Variants in WDR7 observed in about 807,000 individuals in gnomAD.
WDR7 encodes the protein WD repeat domain 7, also known as WD repeat-containing protein 7.
WDR7 carries 46 observed loss-of-function variants against 169.4 expected under a neutral mutation model. The ratio of observed to expected loss-of-function variants is 0.27; its 90% CI spans 0.21 to 0.35. WDR7 has a LOEUF of 0.35. Among genes scored for constraint, WDR7 ranks in the 10% least tolerant of loss-of-function variants. The pLI is 1.00. For synonymous variants in WDR7, 612 were observed against 666.8 expected (o/e 0.92, Z 1.27); for missense variants, 1,534 against 1,859.3 (o/e 0.83, Z 3.22).
intron 20 of WDR7, among the ~76,000 whole-genome samples, chr18:56,838,885 G>A (rs190707013): frequency 1.3e-5 from 2 of 152,166 alleles, no homozygotes; most frequent in East Asian, 1.9e-4. Flanking sequence ...AAATAGACAA[G>A]CTAGAAATAT....
At chr18:56,662,591 T>G (rs1274058415) in intron 1 of WDR7, among the ~76,000 whole-genome samples, 1 of 152,218 alleles carries the variant, frequency 6.6e-6, no homozygotes, top group Non-Finnish European at 1.5e-5. Context: ...GTGTGAAGTG[T>G]ACATCAACAT....
At chr18:56,911,114 A>G (rs2046546254) in intron 21 of WDR7, among the ~76,000 whole-genome samples, 1 of 152,114 alleles carries the variant, frequency 6.6e-6, no homozygotes, top group East Asian at 1.9e-4. Flanking sequence ...TGCTGTGGTC[A>G]GGCTGGGAAC....
intron 21 of WDR7, among the ~76,000 whole-genome samples, chr18:56,913,113 A>T (rs992918899): frequency 1.3e-5 from 2 of 151,890 alleles, no homozygotes; most frequent in Admixed American, 1.3e-4. Flanking sequence ...AGCTCAAACG[A>T]TCCTCTCACC....
At chr18:56,749,689 T>A (rs1397706639) in intron 14 of WDR7, among the ~76,000 whole-genome samples, 1 of 151,938 alleles carries the variant, frequency 6.6e-6, no homozygotes, top group African/African-American at 2.4e-5. Context: ...ACTGTAATAT[T>A]AAAAAATGAT....
intron 16 of WDR7, 144 bp downstream of exon 16, chr18:56,759,097 A>T (rs2043944072): frequency 1.8e-6 from 1 of 545,672 alleles, no homozygotes; most frequent in Non-Finnish European, 3.1e-6. Context: ...GTAAATATGG[A>T]TAATTAAGAT....
chr18:56,820,410 A>G (rs192463933), intron 20 of WDR7, among the ~76,000 whole-genome samples: 76 of 149,276 alleles, frequency 5.1e-4, no homozygotes, highest in Admixed American at 1.6e-3. Context: ...ATTCAACTAC[A>G]AAAGCAGCAA....
chr18:56,721,417 G>A (rs2026317429), intron 13 of WDR7: 1 of 152,094 alleles, frequency 6.6e-6, no homozygotes, highest in South Asian at 2.1e-4. Context: ...AGAATCTTTT[G>A]TTCTTTTATT....
intron 1 of WDR7, among the ~76,000 whole-genome samples, chr18:56,658,927 A>C (rs921788583): frequency 1.3e-5 from 2 of 151,960 alleles, no homozygotes; most frequent in African/African-American, 4.8e-5. Context: ...CATGTTGGCC[A>C]GGCTGGTCTT....
At chr18:56,764,063 ATTT>A (rs59282216) in intron 16 of WDR7, among the ~76,000 whole-genome samples, 13,117 of 151,374 alleles carry the variant, frequency 0.087, 654 homozygotes, top group East Asian at 0.18. Flanking sequence ...TTTGATTATT[ATTT>A]ATTTTTTCTA....
chr18:57,007,054 A>T (rs1285623507), intron 26 of WDR7, among the ~76,000 whole-genome samples: 3 of 148,278 alleles, frequency 2.0e-5, no homozygotes. Context: ...ATCTCAGCTC[A>T]CTGCAAGCTC....
chr18:56,842,698 C>T (rs368633316), intron 20 of WDR7, among the ~76,000 whole-genome samples: 1 of 151,362 alleles, frequency 6.6e-6, no homozygotes, highest in Non-Finnish European at 1.5e-5. Flanking sequence ...TTCTCTCTTA[C>T]ACACACACAC....
intron 12 of WDR7, among the ~76,000 whole-genome samples, chr18:56,710,064 C>T (rs545772612): frequency 1.4e-5 from 2 of 141,410 alleles, no homozygotes; most frequent in Admixed American, 1.5e-4. Context: ...AGTGCAGTGG[C>T]GCAATCTCGT....
chr18:56,920,271 C>T (rs984907865), intron 21 of WDR7, among the ~76,000 whole-genome samples: 1 of 152,126 alleles, frequency 6.6e-6, no homozygotes, highest in Non-Finnish European at 1.5e-5. Context: ...TCACCTTCCC[C>T]TGGAAGCCTT....
At chr18:56,733,979 A>G (rs2026641745) in intron 14 of WDR7, among the ~76,000 whole-genome samples, 1 of 152,082 alleles carries the variant, frequency 6.6e-6, no homozygotes, top group African/African-American at 2.4e-5. Flanking sequence ...AAGTGCAGAG[A>G]GCCTTTTCTT....
chr18:56,787,496 A>G (rs1398083524), intron 19 of WDR7, among the ~76,000 whole-genome samples: 3 of 152,224 alleles, frequency 2.0e-5, no homozygotes, highest in Non-Finnish European at 4.4e-5. Context: ...GATGTGTAAC[A>G]CATCGTGTTT....
In WDR7 at chr18:56,804,677, G is replaced by T. The variant is rs573203751; in HGVS notation, c.3191-11354G>T. On this transcript the variant is annotated intron_variant, in intron 19 of 27. Transcript: ENST00000254442. ...GTACTCAGCTTTATAACAGTGGTCC[G>T]CTGAGATACTGTGTTAGACAATCTA... Among the ~76,000 whole-genome samples, 6 of 152,160 alleles carry T rather than the reference G, an allele frequency of 3.9e-5. No individual in the cohort carries two copies. In the East Asian group the frequency reaches 1.2e-3, roughly 29 times the overall value.
At chr18:56,714,959 T>C (rs772844989) in intron 12 of WDR7, among the ~76,000 whole-genome samples, 2 of 152,156 alleles carry the variant, frequency 1.3e-5, no homozygotes, top group Non-Finnish European at 2.9e-5. Flanking sequence ...TTAATATTCA[T>C]TTTGTATGTC....
intron 20 of WDR7, among the ~76,000 whole-genome samples, chr18:56,848,804 A>G (rs895172442): frequency 5.3e-5 from 8 of 152,086 alleles, no homozygotes; most frequent in Admixed American, 1.3e-4. Flanking sequence ...TGCCATGAGT[A>G]AAAGCTCCCT....
intron 20 of WDR7, among the ~76,000 whole-genome samples, chr18:56,871,526 C>T (rs576549091): frequency 1.3e-3 from 198 of 151,838 alleles, no homozygotes; most frequent in South Asian, 3.6e-3. Context: ...ATAGTAAAAC[C>T]AAATTATCTT....
Sources: allele counts gnomAD v4.1 joint callset (sites outside exome capture counted in the v4.1 genomes callset), GRCh38; gene constraint gnomAD v4.1.1; transcripts MANE v1.5; gene names NCBI Gene and HGNC (gene_info 2026-07-23, HGNC 2026-07-21).